MYO10: variants seen among roughly 807,000 people sequenced by gnomAD.
MYO10 encodes myosin X.
MYO10 carries 133 observed loss-of-function variants against 257.3 expected under a neutral mutation model. The ratio of observed to expected loss-of-function variants is 0.52; its 90% CI spans 0.45 to 0.60. MYO10 has a LOEUF of 0.60. MYO10 is among the 20% of genes least tolerant of loss of function. MYO10 has a pLI of 0.00. For missense variants in MYO10, 2,399 were observed against 2,635.7 expected (o/e 0.91, Z 1.97); for synonymous variants, 1,104 against 1,028.6 (o/e 1.07, Z -1.40).
At position 16,901,229 on chromosome 5, in the gene MYO10, C is replaced by T. The variant is rs550188999; in HGVS notation, c.22-23522G>A. 5.3e-5 allele frequency among the ~76,000 whole-genome samples: 8 copies of T among 152,212 alleles called. No individual in the cohort carries two copies. In the South Asian group the frequency reaches 1.5e-3, roughly 28 times the overall value. ...GCAACACCAATGCATCCTCTGGCTT[C>T]GGCATTCACATACATTACCTCCTCT... On this transcript the variant is annotated intron_variant, in intron 1 of 40. Coordinates refer to ENST00000513610, the MANE Select transcript of MYO10 (RefSeq NM_012334.3).
chr5:16,802,655 T>TAAAAAAAAAAAAAAAAAAGAAAAAAAAA (rs1742154868), intron 3 of MYO10, among the ~76,000 whole-genome samples: 1 of 101,038 alleles, frequency 9.9e-6, no homozygotes. Context: ...AGACTGTCTC[T>TAAAAAAAAAAAAAAAAAAGAAAAAAAAA]AAAAAAAAAA....
intron 2 of MYO10, among the ~76,000 whole-genome samples, chr5:16,841,202 G>C (rs1482298005): frequency 1.3e-5 from 2 of 150,964 alleles, no homozygotes; most frequent in Admixed American, 6.6e-5. Context: ...TAACCCTGAA[G>C]ACAGATTCAG....
rs761933624 is a variant in MYO10, at chr5:16,758,185, C to T, written c.1781G>A (p.Arg594His). ...IYDLFEHVSS[R>H]NNQDTLKCGS... is the part of the protein sequence containing the mutation. ...ACATTTCAAGGTATCCTGGTTGTTG[C>T]GGCTTGAAACATGTTCAAAAAGATC... Residue 594 changes from arginine (R) to histidine (H), a missense_variant, in exon 18 of 41, where the codon CGC (arginine) becomes CAC (histidine). This residue lies in a region of MYO10 where 1,820 missense variants were observed against 1,939.4 expected (regional missense o/e 0.94). Transcript: ENST00000513610. 11 of 1,613,410 alleles carry T rather than the reference C, an allele frequency of 6.8e-6. No individual in the cohort carries two copies. In the Middle Eastern group the frequency reaches 6.6e-4, roughly 96 times the overall value.
At chr5:16,794,611 C>T in intron 4 of MYO10, 35 bp downstream of exon 4, 1 of 1,571,456 alleles carries the variant, frequency 6.4e-7, no homozygotes, top group Non-Finnish European at 8.6e-7. Flanking sequence ...ACTCCTGGGC[C>T]ATGGGAAAGT....
At chr5:16,735,016 G>C (rs1274542584) in intron 19 of MYO10, among the ~76,000 whole-genome samples, 2 of 152,098 alleles carry the variant, frequency 1.3e-5, no homozygotes, top group African/African-American at 2.4e-5. Flanking sequence ...GAAAACTAAA[G>C]TGACAAACCA....
intron 4 of MYO10, among the ~76,000 whole-genome samples, chr5:16,785,731 G>A (rs530614382): frequency 5.3e-5 from 8 of 152,060 alleles, no homozygotes; most frequent in African/African-American, 7.2e-5. Context: ...TTAGCCGGGC[G>A]TGGTGGCGCA....
chr5:16,861,652 C>A (rs1164593540), intron 2 of MYO10, among the ~76,000 whole-genome samples: 1 of 152,134 alleles, frequency 6.6e-6, no homozygotes, highest in African/African-American at 2.4e-5. Context: ...AAAGTAACTT[C>A]AAGAGAAAGC....
intron 2 of MYO10, among the ~76,000 whole-genome samples, chr5:16,833,315 A>C (rs1002632507): frequency 4.0e-5 from 6 of 151,712 alleles, no homozygotes; most frequent in East Asian, 1.9e-4. Context: ...CCAGGCTCAA[A>C]TGATTCTCCT....
intron 3 of MYO10, among the ~76,000 whole-genome samples, chr5:16,800,082 G>C (rs1742078274): frequency 6.6e-6 from 1 of 152,212 alleles, no homozygotes; most frequent in Non-Finnish European, 1.5e-5. Flanking sequence ...AGCTGGTTTA[G>C]TTATAGAAGA....
At position 16,670,952 on chromosome 5, in the gene MYO10, G is replaced by T. The variant is rs745540062; in HGVS notation, c.5457C>A (p.His1819Gln). 40 of 1,611,898 alleles carry T rather than the reference G, an allele frequency of 2.5e-5. No individual in the cohort carries two copies. The highest frequency in any genetic ancestry group is 3.3e-5 in the Non-Finnish European group (39 of 1,178,298). The change falls in exon 39 of 41, where the codon CAC becomes CAA. Residue 1819 changes from histidine (H) to glutamine (Q), a missense_variant. Coordinates refer to ENST00000513610, the MANE Select transcript of MYO10 (RefSeq NM_012334.3). ...EQAHEAVIHG[H>Q]HPAPEENLQV... ...GGAGGTTTTCTTCCGGGGCTGGATGGTGGCCATGGATAACCGCTTCGTGGG... is the reference window on the plus strand; with the variant it reads ...GGAGGTTTTCTTCCGGGGCTGGATGTTGGCCATGGATAACCGCTTCGTGGG...
chr5:16,732,786 G>C (rs902792095), intron 19 of MYO10, among the ~76,000 whole-genome samples: 48 of 152,300 alleles, frequency 3.2e-4, no homozygotes, highest in African/African-American at 1.0e-3. Flanking sequence ...CGGGAAAGTG[G>C]TCAAACTGAG....
At position 16,764,525 on chromosome 5, in the gene MYO10, C is replaced by T. The variant is rs1458378609; in HGVS notation, c.1180-129G>A. The T allele has an allele frequency of 2.5e-5, 23 of 906,340 alleles. No individual in the cohort carries two copies. In the East Asian group the frequency reaches 4.0e-4, roughly 16 times the overall value. The allele number at this position is 906,340 out of a possible 1,614,324, so 56.1% of individuals were successfully genotyped here. ...TCTGGCCCTCCAGTGTGAAGTCAAT[C>T]GATCTCATCTAGGAAAGGACAGATA... On this transcript the variant is annotated intron_variant, in intron 11 of 40. Coordinates refer to ENST00000513610, the MANE Select transcript of MYO10 (RefSeq NM_012334.3).
intron 2 of MYO10, among the ~76,000 whole-genome samples, chr5:16,848,633 G>T (rs1325685583): frequency 2.0e-5 from 3 of 151,766 alleles, no homozygotes; most frequent in Admixed American, 2.0e-4. Context: ...AACGCTCGTC[G>T]TTATGGCTGC....
intron 19 of MYO10, among the ~76,000 whole-genome samples, chr5:16,748,604 AAGAGGGAGAGAGGGAG>A (rs1186196120): frequency 8.3e-6 from 1 of 120,846 alleles, no homozygotes; most frequent in African/African-American, 4.8e-5. Flanking sequence ...AGAAAAGAAA[AAGAGGGAGAGAGGGAG>A]AGAGGGAGGG....
chr5:16,765,019 C>T (rs1435283642), intron 11 of MYO10, among the ~76,000 whole-genome samples: 1 of 152,082 alleles, frequency 6.6e-6, no homozygotes, highest in Non-Finnish European at 1.5e-5. Flanking sequence ...AAGATGTGAG[C>T]TCTTTTTAAA....
chr5:16,740,705 G>A (rs938273823), intron 19 of MYO10, among the ~76,000 whole-genome samples: 4 of 152,024 alleles, frequency 2.6e-5, no homozygotes, highest in South Asian at 4.2e-4. Flanking sequence ...GCAGCAATGC[G>A]GTTCCGGACC....
intron 4 of MYO10, among the ~76,000 whole-genome samples, chr5:16,787,422 G>C (rs1054819534): frequency 6.6e-6 from 1 of 152,028 alleles, no homozygotes; most frequent in Non-Finnish European, 1.5e-5. Context: ...AGACTCTGCA[G>C]GTAGTACATT....
At chr5:16,678,096 A>C (rs1292117123) in intron 33 of MYO10, among the ~76,000 whole-genome samples, 1 of 152,232 alleles carries the variant, frequency 6.6e-6, no homozygotes, top group African/African-American at 2.4e-5. Flanking sequence ...GTCTGAATTC[A>C]AACTGAAGAA....
At position 16,818,105 on chromosome 5, in the gene MYO10, G is replaced by C. The variant is rs200910595; in HGVS notation, c.183C>G (p.Asn61Lys). The change falls in exon 3 of 41, where the codon AAC becomes AAG. Residue 61 changes from asparagine (N) to lysine (K), a missense_variant. Physicochemically the swap from Asn to Lys is moderately conservative, Grantham distance 94. Transcript: ENST00000513610. ...ACGCCATGTCATCCACGCCCTCCTC[G>C]TTCGTGGGGTGCATAGCAGTCACCT... is the stretch of plus-strand genomic sequence containing the variant. Reference protein sequence around the residue: ...HQKVTAMHPTNEEGVDDMASL... With the variant: ...HQKVTAMHPTKEEGVDDMASL... 1 of 1,612,096 alleles carries C rather than the reference G, an allele frequency of 6.2e-7. No homozygotes were observed. The highest frequency in any genetic ancestry group is 8.5e-7 in the Non-Finnish European group (1 of 1,178,696).
Sources: gnomAD v4.1 joint callset for allele counts (sites outside exome capture counted in the v4.1 genomes callset) on GRCh38, gnomAD v4.1.1 for gene constraint, gnomAD v4.1.1 regional missense constraint, MANE v1.5 for transcripts, NCBI Gene and HGNC (gene_info 2026-07-23, HGNC 2026-07-21) for gene names.